Variants in SLC35F1 observed in about 807,000 individuals in gnomAD.
SLC35F1 encodes the protein solute carrier family 35 member F1, also known as chromosome 6 open reading frame 169.
In SLC35F1, 14 loss-of-function variants were observed where a neutral mutation model predicts 48.7. The ratio of observed to expected loss-of-function variants is 0.29; its 90% CI spans 0.19 to 0.45. The LOEUF is 0.45. Ranked by LOEUF, SLC35F1 falls within the 20% of genes least tolerant of loss-of-function variation. SLC35F1 has a pLI of 1.00. For missense variants in SLC35F1, 404 were observed against 500.0 expected (o/e 0.81, Z 1.83); for synonymous variants, 190 against 202.2 (o/e 0.94, Z 0.51).
chr6:118,263,247 G>C (rs956199511), intron 3 of SLC35F1, among the ~76,000 whole-genome samples: 1 of 152,056 alleles, frequency 6.6e-6, no homozygotes, highest in African/African-American at 2.4e-5. Context: ...GTAGAGACAG[G>C]GTTTCTCCAT....
chr6:118,051,721 A>T (rs559552878), intron 1 of SLC35F1, among the ~76,000 whole-genome samples: 1 of 152,296 alleles, frequency 6.6e-6, no homozygotes, highest in East Asian at 1.9e-4. Flanking sequence ...GAAATTACAA[A>T]GTGCAAGAAA....
intron 2 of SLC35F1, among the ~76,000 whole-genome samples, chr6:118,167,728 T>A (rs1774339748): frequency 6.6e-6 from 1 of 152,170 alleles, no homozygotes; most frequent in Non-Finnish European, 1.5e-5. Context: ...TTATAGACAC[T>A]ATGCACTTAG....
chr6:118,241,421 C>T (rs1775438769), intron 3 of SLC35F1, among the ~76,000 whole-genome samples: 1 of 152,144 alleles, frequency 6.6e-6, no homozygotes, highest in Admixed American at 6.6e-5. Context: ...TATATTGCTG[C>T]AATTTCATGT....
At chr6:118,027,022 T>A (rs1771963147) in intron 1 of SLC35F1, among the ~76,000 whole-genome samples, 1 of 152,184 alleles carries the variant, frequency 6.6e-6, no homozygotes. Flanking sequence ...GGTTCTGTCT[T>A]TGTCTTTTCC....
chr6:118,088,905 CT>C (rs906512586), intron 1 of SLC35F1, among the ~76,000 whole-genome samples: 9 of 152,202 alleles, frequency 5.9e-5, no homozygotes, highest in South Asian at 2.1e-4. Context: ...ACAGAAGGCA[CT>C]TTTTTTGGTA....
At chr6:117,979,157 C>A (rs10457323) in intron 1 of SLC35F1, among the ~76,000 whole-genome samples, 1 of 152,134 alleles carries the variant, frequency 6.6e-6, no homozygotes, top group Non-Finnish European at 1.5e-5. Context: ...GGAAAGCTAG[C>A]GAAGAGCAGC....
intron 1 of SLC35F1, among the ~76,000 whole-genome samples, chr6:118,110,195 C>G: frequency 6.6e-6 from 1 of 152,222 alleles, no homozygotes; most frequent in Admixed American, 6.5e-5. Flanking sequence ...CCCTTCCTCA[C>G]AACAGCAACA....
At chr6:118,148,807 G>C (rs568619071) in intron 1 of SLC35F1, among the ~76,000 whole-genome samples, 2 of 152,268 alleles carry the variant, frequency 1.3e-5, no homozygotes, top group African/African-American at 2.4e-5. Context: ...TTGCAAGATA[G>C]CACCTTACCA....
intron 2 of SLC35F1, among the ~76,000 whole-genome samples, chr6:118,208,986 A>G (rs1212723618): frequency 6.8e-6 from 1 of 146,492 alleles, no homozygotes; most frequent in African/African-American, 2.8e-5. Flanking sequence ...CATAAAACAT[A>G]GAAAGGTCAC....
At chr6:118,160,092 A>G (rs1774208329) in intron 2 of SLC35F1, among the ~76,000 whole-genome samples, 3 of 152,188 alleles carry the variant, frequency 2.0e-5, no homozygotes. Context: ...TTTCCTCCTC[A>G]ATTTCCTCCT....
At chr6:118,199,051 T>C (rs932869786) in intron 2 of SLC35F1, among the ~76,000 whole-genome samples, 1 of 152,174 alleles carries the variant, frequency 6.6e-6, no homozygotes, top group Non-Finnish European at 1.5e-5. Flanking sequence ...ACACACTCCA[T>C]TTCTCACCAA....
At chr6:117,959,334 T>C (rs531431554) in intron 1 of SLC35F1, among the ~76,000 whole-genome samples, 1 of 152,310 alleles carries the variant, frequency 6.6e-6, no homozygotes, top group South Asian at 2.1e-4. Context: ...TTGTTAGGAC[T>C]GTGTTTGAGA....
chr6:118,137,735 A>G (rs993363643), intron 1 of SLC35F1, among the ~76,000 whole-genome samples: 1 of 152,140 alleles, frequency 6.6e-6, no homozygotes, highest in Non-Finnish European at 1.5e-5. Context: ...AATGGCCTAC[A>G]ACCCATTCTG....
chr6:117,911,392 C>G (rs1422928536), intron 1 of SLC35F1, among the ~76,000 whole-genome samples: 1 of 124,468 alleles, frequency 8.0e-6, no homozygotes, highest in Non-Finnish European at 1.7e-5. Flanking sequence ...CCTCCCCTCC[C>G]CTCCCCTCCC....
At chr6:118,058,492 T>C (rs909683440) in intron 1 of SLC35F1, among the ~76,000 whole-genome samples, 3 of 152,160 alleles carry the variant, frequency 2.0e-5, no homozygotes, top group African/African-American at 7.2e-5. Flanking sequence ...GTATACCACC[T>C]TGAGATTTTT....
chr6:118,177,774 C>G (rs926871239), intron 2 of SLC35F1, among the ~76,000 whole-genome samples: 1 of 151,632 alleles, frequency 6.6e-6, no homozygotes, highest in African/African-American at 2.4e-5. Context: ...TTTTTTTTAA[C>G]TTACTACTAT....
chr6:118,260,928 T>C (rs1161544531), intron 3 of SLC35F1, among the ~76,000 whole-genome samples: 1 of 152,228 alleles, frequency 6.6e-6, no homozygotes, highest in African/African-American at 2.4e-5. Flanking sequence ...TCTGTCTCTC[T>C]AATGTCTTTG....
chr6:118,116,488 ATCT>A (rs1182683621), intron 1 of SLC35F1, among the ~76,000 whole-genome samples: 2 of 152,206 alleles, frequency 1.3e-5, no homozygotes, highest in Non-Finnish European at 2.9e-5. Context: ...AATAAAGCCC[ATCT>A]TCTGTGGACA....
intron 1 of SLC35F1, among the ~76,000 whole-genome samples, chr6:118,086,256 C>A (rs970286384): frequency 6.6e-6 from 1 of 152,202 alleles, no homozygotes; most frequent in Non-Finnish European, 1.5e-5. Flanking sequence ...AGTTTGTAGG[C>A]TTTTCTTTCT....
Sources: gnomAD v4.1 joint callset for allele counts (sites outside exome capture counted in the v4.1 genomes callset) on GRCh38, gnomAD v4.1.1 for gene constraint, MANE v1.5 for transcripts, NCBI Gene and HGNC (gene_info 2026-07-23, HGNC 2026-07-21) for gene names.